Variants in SPART observed in about 807,000 individuals in gnomAD.
SPART encodes spartin.
SPART carries 35 observed loss-of-function variants against 58.7 expected under a neutral mutation model. The ratio of observed to expected loss-of-function variants is 0.60; its 90% CI spans 0.46 to 0.79. The LOEUF (loss-of-function observed/expected upper bound fraction) is 0.79, where lower values mean the gene tolerates loss of function less well. SPART is among the 30% of genes least tolerant of loss of function. The pLI is 0.00. For missense variants in SPART, 730 were observed against 786.1 expected (o/e 0.93, Z 0.85); for synonymous variants, 284 against 280.7 (o/e 1.01, Z -0.12).
rs757572421 is a variant in SPART, at chr13:36,304,492, AG to A, written c.1873del (p.Glu626ArgfsTer5). On this transcript the variant is annotated frameshift_variant, in exon 9 of 9. Transcript: ENST00000438666. LOFTEE classifies it low-confidence loss of function (END_TRUNC). ...ATTATCAACTATCTGATAGTCCTCA[AG>A]GAGAGTGTGTCCTGTTTGTGTTGCA... Reference protein sequence around the residue: ...KTATQTGHTLLEDYQIVDNSQ... With the variant: ...KTATQTGHTLXEDYQIVDNSQ... 6.2e-7 allele frequency: 1 copy of A among 1,614,094 alleles called. No homozygotes were observed. The highest frequency in any genetic ancestry group is 1.1e-5 in the South Asian group (1 of 91,078).
At position 36,331,527 on chromosome 13, in the gene SPART, T is replaced by A. The variant is rs767079059; in HGVS notation, c.880A>T (p.Met294Leu). 6.2e-7 allele frequency: 1 copy of A among 1,613,910 alleles called. No homozygotes were observed. Among genetic ancestry groups the A allele is most frequent in the African/African-American group, 1.3e-5 (1 of 74,868 alleles). ...PVLKCTAGAYMFPDTMLQAAG... is the reference protein window; with the variant it reads ...PVLKCTAGAYLFPDTMLQAAG... Reference sequence around the variant, plus strand: ...GCTTGTAGCATTGTATCAGGAAACATGTAGGCTCCCGCAGTACATTTCAGA... The same window carrying A: ...GCTTGTAGCATTGTATCAGGAAACAAGTAGGCTCCCGCAGTACATTTCAGA... The change falls in exon 3 of 9, where the codon ATG (methionine) becomes TTG (leucine). Residue 294 changes from methionine (M) to leucine (L), a missense_variant. Transcript: ENST00000438666.
At chr13:36,349,196 G>A (rs1885316550), upstream of SPART, among the ~76,000 whole-genome samples, 1 of 152,204 alleles carries the variant, frequency 6.6e-6, no homozygotes, top group Non-Finnish European at 1.5e-5. Flanking sequence ...CCGGGAGGTG[G>A]AGGTCACCGT....
At chr13:36,356,173 A>G (rs1440876919) in intron 1 of SPART, among the ~76,000 whole-genome samples, 1 of 152,108 alleles carries the variant, frequency 6.6e-6, no homozygotes, top group African/African-American at 2.4e-5. Flanking sequence ...TACAATATCA[A>G]TTACCCCCTA....
chr13:36,351,506 A>G (rs1885409006), intron 1 of SPART, among the ~76,000 whole-genome samples: 1 of 152,202 alleles, frequency 6.6e-6, no homozygotes, highest in African/African-American at 2.4e-5. Flanking sequence ...CTGTACAAAA[A>G]TTGGTAAATA....
chr13:36,302,717 CA>C lies in SPART; in HGVS notation c.*1647del, dbSNP rs1880109418. 6.6e-6 allele frequency: 1 copy of C among 152,154 alleles called. No homozygotes were observed. The highest frequency in any genetic ancestry group is 1.5e-5 in the Non-Finnish European group (1 of 68,010). 9.4% of individuals were successfully genotyped at this position (152,154 alleles called of 1,614,324 possible). On this transcript the variant is annotated 3_prime_UTR_variant, in exon 9 of 9. Transcript: ENST00000438666. ...TTACATCAGGGTGTATCTACTGCTT[CA>C]AGCATTCATTTGTGTTACAAACGTC...
Position 36,304,636 on chromosome 13 carries a change from T to C in SPART, c.1734-4A>G. The C allele has an allele frequency of 6.2e-7, 1 of 1,613,644 alleles. No individual in the cohort carries two copies. The highest frequency in any genetic ancestry group is 8.5e-7 in the Non-Finnish European group (1 of 1,179,760). ...TTCTCCTGCATTATATCCGTATCTT[T>C]AAAAGAAAGATTAGAGGACATACAA... On this transcript the variant is annotated splice_region_variant and splice_polypyrimidine_tract_variant and intron_variant, in intron 8 of 8. Coordinates refer to ENST00000438666, the MANE Select transcript of SPART (RefSeq NM_015087.5).
chr13:36,330,228 A>G (rs1237300216), intron 3 of SPART, among the ~76,000 whole-genome samples: 1 of 152,226 alleles, frequency 6.6e-6, no homozygotes, highest in Non-Finnish European at 1.5e-5. Flanking sequence ...TTCACTCAGT[A>G]AACAGTGAAG....
chr13:36,307,508 A>G (rs1400997782), intron 8 of SPART, among the ~76,000 whole-genome samples: 2 of 152,124 alleles, frequency 1.3e-5, no homozygotes, highest in Non-Finnish European at 2.9e-5. Context: ...AAAAAAGTCT[A>G]TTATTAAGCT....
At chr13:36,319,156 C>CT (rs1469972104) in intron 5 of SPART, among the ~76,000 whole-genome samples, 35 of 150,958 alleles carry the variant, frequency 2.3e-4, no homozygotes, top group African/African-American at 8.5e-4. Context: ...AGACAATACT[C>CT]TTTTAAGCAC....
rs1880212274 is a variant in SPART at position 36,303,695 on chromosome 13, T to C, written c.*670A>G. The C allele has an allele frequency of 6.5e-6, 1 of 152,710 alleles. No individual in the cohort carries two copies. The highest frequency in any genetic ancestry group is 1.5e-5 in the Non-Finnish European group (1 of 68,138). The allele number at this position is 152,710 out of a possible 1,614,324, so 9.5% of individuals were successfully genotyped here. Reference sequence around the variant, plus strand: ...CATGTTCCCAAATTTCCTAGGCTCATAACAATACAGTCTCAATACAAAAGA... The same window carrying C: ...CATGTTCCCAAATTTCCTAGGCTCACAACAATACAGTCTCAATACAAAAGA... On this transcript the variant is annotated 3_prime_UTR_variant, in exon 9 of 9. Coordinates refer to ENST00000438666, the MANE Select transcript of SPART (RefSeq NM_015087.5).
At chr13:36,351,905 T>G (rs1308681295) in intron 1 of SPART, among the ~76,000 whole-genome samples, 3 of 152,208 alleles carry the variant, frequency 2.0e-5, no homozygotes, top group African/African-American at 7.2e-5. Context: ...CACATAATGA[T>G]GAATATCATT....
chr13:36,336,476 C>A (rs1327071799), intron 1 of SPART: 1 of 152,116 alleles, frequency 6.6e-6, no homozygotes, highest in African/African-American at 2.4e-5. Context: ...CATACTATTC[C>A]CTCAGAAAAG....
Position 36,314,221 on chromosome 13 carries a change from C to T in SPART, c.1483+6G>A, listed in dbSNP as rs1566111878. On this transcript the variant is annotated splice_donor_region_variant and intron_variant, in intron 6 of 8. Coordinates refer to ENST00000438666, the MANE Select transcript of SPART (RefSeq NM_015087.5). ...TAAAAAGTAAAGTTATCTAGAATTA[C>T]TTTACCCAGGAACTGACTGACTTTT... 2.5e-6 allele frequency: 4 copies of T among 1,613,606 alleles called. No homozygotes were observed. The highest frequency in any genetic ancestry group is 3.4e-6 in the Non-Finnish European group (4 of 1,179,836).
In SPART at chr13:36,326,664, C is replaced by T; in HGVS notation, c.1199G>A (p.Ser400Asn). The T allele has an allele frequency of 6.2e-7, 1 of 1,613,076 alleles. No individual in the cohort carries two copies. The highest frequency in any genetic ancestry group is 1.7e-4 in the Middle Eastern group (1 of 5,730). Residue 400 changes from serine to asparagine, a missense_variant, in exon 5 of 9, where the codon AGT (serine) becomes AAT (asparagine). Ser to Asn is a conservative substitution (Grantham distance 46, BLOSUM62 1). Coordinates refer to ENST00000438666, the MANE Select transcript of SPART (RefSeq NM_015087.5). ...KDTSSEEVNL[S>N]HIVPCEPVPE... ...AACTGGCTCACATGGTACAATGTGA[C>T]TCAGGTTAACTTCTTCACTTGAAGT...
chr13:36,347,713 C>T (rs532381259), upstream of SPART, among the ~76,000 whole-genome samples: 10 of 152,302 alleles, frequency 6.6e-5, no homozygotes, highest in East Asian at 1.2e-3. Context: ...ATTCTCACTT[C>T]CACGTTTTTG....
intron 5 of SPART, among the ~76,000 whole-genome samples, chr13:36,318,977 A>T (rs1162430519): frequency 6.6e-6 from 1 of 152,128 alleles, no homozygotes; most frequent in Non-Finnish European, 1.5e-5. Flanking sequence ...AGCTTCAGGT[A>T]ACTCTAACAG....
At chr13:36,358,147 A>T (rs901577356) in intron 1 of SPART, among the ~76,000 whole-genome samples, 4 of 152,240 alleles carry the variant, frequency 2.6e-5, no homozygotes, top group African/African-American at 9.6e-5. Context: ...CTGCTATTTT[A>T]TGAGATTTGG....
At chr13:36,340,893 A>T (rs1177394976) in intron 1 of SPART, among the ~76,000 whole-genome samples, 1 of 152,214 alleles carries the variant, frequency 6.6e-6, no homozygotes, top group Non-Finnish European at 1.5e-5. Flanking sequence ...ATCATAATGT[A>T]CTAAATGTTT....
chr13:36,342,741 A>C (rs999934673), intron 1 of SPART, among the ~76,000 whole-genome samples: 3 of 152,134 alleles, frequency 2.0e-5, no homozygotes, highest in Non-Finnish European at 4.4e-5. Flanking sequence ...TGTGCCCCCC[A>C]GGACAAATGA....
Sources: allele counts gnomAD v4.1 joint callset (sites outside exome capture counted in the v4.1 genomes callset), GRCh38; gene constraint gnomAD v4.1.1; transcripts MANE v1.5; gene names NCBI Gene and HGNC (gene_info 2026-07-23, HGNC 2026-07-21).